Variants in RAD51B observed in about 807,000 individuals in gnomAD.
RAD51B encodes DNA repair protein RAD51 homolog 2.
In RAD51B, 38 loss-of-function variants were observed where a neutral mutation model predicts 42.2. The observed-to-expected ratio is 0.90, with a 90% confidence interval of 0.70 to 1.18. The LOEUF is 1.18. Ranked by LOEUF, RAD51B falls within the 50% of genes most tolerant of loss-of-function variation. RAD51B has a pLI of 0.00. For synonymous variants in RAD51B, 154 were observed against 145.2 expected, an observed-to-expected ratio of 1.06 and a Z score of -0.43; for missense variants, 373 against 400.7, an observed-to-expected ratio of 0.93 and a Z score of 0.59.
intron 8 of RAD51B, among the ~76,000 whole-genome samples, chr14:68,345,658 T>C (rs2082663278): frequency 6.6e-6 from 1 of 151,140 alleles, no homozygotes; most frequent in African/African-American, 2.4e-5. Context: ...GGTGTTTCTT[T>C]CTTTTTTTTT....
At chr14:68,614,446 A>G (rs1040727715), downstream of RAD51B, among the ~76,000 whole-genome samples, 3 of 152,188 alleles carry the variant, frequency 2.0e-5, no homozygotes, top group Non-Finnish European at 4.4e-5. Context: ...TGCAATTATC[A>G]CCATTATCTA....
At position 67,822,741 on chromosome 14, in the gene RAD51B, A is replaced by C. The variant is rs148395922; in HGVS notation, c.-2-801A>C. On this transcript the variant is annotated intron_variant, in intron 1 of 10. Coordinates refer to ENST00000471583, the MANE Select transcript of RAD51B (RefSeq NM_133510.4). ...TGTCTCGCTCTCTCTCTCTCTCTCT[A>C]TATATATATTTAAAAAGAACATTTT... is the stretch of plus-strand genomic sequence containing the variant. Among the ~76,000 whole-genome samples, 1,263 of 151,650 alleles carry C rather than the reference A, an allele frequency of 8.3e-3. 6 individuals are homozygous for C. Among genetic ancestry groups the C allele is most frequent in the South Asian group, 0.013 (62 of 4,788 alleles).
At chr14:68,111,942 G>A (rs147468918) in intron 7 of RAD51B, among the ~76,000 whole-genome samples, 4 of 152,134 alleles carry the variant, frequency 2.6e-5, no homozygotes, top group African/African-American at 7.2e-5. Flanking sequence ...CTCATTGCTC[G>A]TTGTTTGGCC....
intron 8 of RAD51B, among the ~76,000 whole-genome samples, chr14:68,346,337 T>C (rs1315747380): frequency 6.6e-6 from 1 of 152,230 alleles, no homozygotes; most frequent in Non-Finnish European, 1.5e-5. Flanking sequence ...TCTGTTACTG[T>C]TGTTTTTAAG....
At chr14:68,111,209 T>C (rs1179534831) in intron 7 of RAD51B, among the ~76,000 whole-genome samples, 1 of 152,096 alleles carries the variant, frequency 6.6e-6, no homozygotes, top group African/African-American at 2.4e-5. Context: ...TTTTTTTTAT[T>C]ATTAAATTCT....
chr14:68,394,419 T>C (rs2083853002), intron 8 of RAD51B, among the ~76,000 whole-genome samples: 1 of 152,216 alleles, frequency 6.6e-6, no homozygotes, highest in African/African-American at 2.4e-5. Flanking sequence ...GAGGCCCACC[T>C]TGAATCCTGA....
intron 10 of RAD51B, among the ~76,000 whole-genome samples, chr14:68,550,256 C>CT (rs970842577): frequency 6.6e-6 from 1 of 152,224 alleles, no homozygotes; most frequent in African/African-American, 2.4e-5. Flanking sequence ...GCAAAGGATT[C>CT]TTTCCTGGAG....
At chr14:68,666,609 A>G (rs1893037262) in intron 11 of RAD51B, among the ~76,000 whole-genome samples, 1 of 152,136 alleles carries the variant, frequency 6.6e-6, no homozygotes, top group Non-Finnish European at 1.5e-5. Flanking sequence ...TTATTAAACA[A>G]CCAGACCATT....
At chr14:68,322,596 A>G (rs549511985) in intron 8 of RAD51B, among the ~76,000 whole-genome samples, 36 of 152,148 alleles carry the variant, frequency 2.4e-4, no homozygotes, top group Non-Finnish European at 3.1e-4. Context: ...TACTCTATCC[A>G]TGTGTTTTGA....
downstream of RAD51B, among the ~76,000 whole-genome samples, chr14:68,613,675 C>T (rs1236218975): frequency 5.3e-5 from 8 of 151,828 alleles, no homozygotes; most frequent in South Asian, 4.1e-4. Context: ...AGGATGGTCT[C>T]GATCTCCTGA....
At chr14:68,657,882 G>A (rs1309168584) in intron 11 of RAD51B, among the ~76,000 whole-genome samples, 1 of 152,226 alleles carries the variant, frequency 6.6e-6, no homozygotes, top group African/African-American at 2.4e-5. Context: ...TGGGATAAGA[G>A]GACATCTCCT....
chr14:68,647,424 T>C (rs1231578247), intron 10 of RAD51B, among the ~76,000 whole-genome samples: 1 of 152,238 alleles, frequency 6.6e-6, no homozygotes, highest in African/African-American at 2.4e-5. Context: ...TTTTTGTATT[T>C]AAAAAGTAAT....
At chr14:68,316,134 A>G (rs1230781378) in intron 8 of RAD51B, among the ~76,000 whole-genome samples, 1 of 152,224 alleles carries the variant, frequency 6.6e-6, no homozygotes, top group Non-Finnish European at 1.5e-5. Flanking sequence ...TTCAACTTAA[A>G]TGGGTTACAA....
At chr14:68,676,690 C>T (rs1448599002) in intron 11 of RAD51B, among the ~76,000 whole-genome samples, 1 of 152,228 alleles carries the variant, frequency 6.6e-6, no homozygotes, top group Non-Finnish European at 1.5e-5. Flanking sequence ...GTGTGGCAAG[C>T]CCCCTGCTGA....
intron 11 of RAD51B, among the ~76,000 whole-genome samples, chr14:68,653,426 G>A (rs10483818): frequency 0.077 from 11,747 of 152,248 alleles, 579 homozygotes; most frequent in African/African-American, 0.13. Context: ...AGACCTAGCC[G>A]TGGATATACA....
chr14:68,627,619 G>A (rs1279860362), intron 10 of RAD51B, among the ~76,000 whole-genome samples: 4 of 152,102 alleles, frequency 2.6e-5, no homozygotes, highest in Admixed American at 6.5e-5. Context: ...TAAGCCTGCC[G>A]TTGGCTTCCC....
At chr14:68,634,249 C>G (rs556515812) in intron 10 of RAD51B, among the ~76,000 whole-genome samples, 1 of 152,260 alleles carries the variant, frequency 6.6e-6, no homozygotes, top group South Asian at 2.1e-4. Flanking sequence ...CAGAATGAGC[C>G]CTCAATACAT....
chr14:68,464,835 A>C (rs886488385), intron 9 of RAD51B, among the ~76,000 whole-genome samples: 5 of 152,230 alleles, frequency 3.3e-5, no homozygotes, highest in African/African-American at 1.2e-4. Context: ...CTGACTGCAC[A>C]CAGATCATCC....
At chr14:67,991,301 G>A (rs908564531) in intron 7 of RAD51B, among the ~76,000 whole-genome samples, 2 of 152,156 alleles carry the variant, frequency 1.3e-5, no homozygotes, top group African/African-American at 4.8e-5. Context: ...TTCATATTAG[G>A]TGATTTAGTA....
Sources: gnomAD v4.1 joint callset for allele counts (sites outside exome capture counted in the v4.1 genomes callset) on GRCh38, gnomAD v4.1.1 for gene constraint, MANE v1.5 for transcripts, NCBI Gene and HGNC (gene_info 2026-07-23, HGNC 2026-07-21) for gene names.